The following SLC20A1 variants were observed in gnomAD, a reference collection of about 807,000 sequenced individuals.
SLC20A1 encodes sodium-dependent phosphate transporter 1.
A neutral mutation model predicts 62.7 loss-of-function variants in SLC20A1; 28 were observed. The ratio of observed to expected loss-of-function variants is 0.45; its 90% CI spans 0.33 to 0.61. The LOEUF (loss-of-function observed/expected upper bound fraction) is 0.61, where lower values mean the gene tolerates loss of function less well. Among genes scored for constraint, SLC20A1 ranks in the 20% least tolerant of loss-of-function variants. The pLI, the probability that SLC20A1 is intolerant of heterozygous loss-of-function variation, is 0.02. For missense variants in SLC20A1, 673 were observed against 838.6 expected, an observed-to-expected ratio of 0.80 and a Z score of 2.44; for synonymous variants, 305 against 302.9, an observed-to-expected ratio of 1.01 and a Z score of -0.07.
rs371323488 is a variant in SLC20A1, at chr2:112,659,455, C to T, written c.1300C>T (p.Arg434Cys). The T allele has an allele frequency of 1.1e-5, 17 of 1,614,076 alleles. No individual in the cohort carries two copies. The highest frequency in any genetic ancestry group is 8.3e-5 in the Admixed American group (5 of 60,004). ...AICGMPLDSFRAKEGEQKGEE... is the reference protein window; with the variant it reads ...AICGMPLDSFCAKEGEQKGEE... ...ATGTGGCATGCCTCTGGATTCATTC[C>T]GTGCCAAAGAAGGTGAACAGAAGGG... Residue 434 changes from arginine (R) to cysteine (C), a missense_variant, in exon 8 of 11, where the codon CGT (arginine) becomes TGT (cysteine). Arg to Cys is a radical substitution (Grantham distance 180). Transcript: ENST00000272542.
chr2:112,658,259 T>TA (rs1240646708), intron 6 of SLC20A1: 2 of 152,548 alleles, frequency 1.3e-5, no homozygotes, highest in Non-Finnish European at 2.9e-5. Context: ...AGGCAGAAGA[T>TA]ACTCTGGTCT....
At chr2:112,658,619 A>G (rs1322428652) in intron 6 of SLC20A1, 1 of 552,880 alleles carries the variant, frequency 1.8e-6, no homozygotes, top group Non-Finnish European at 3.1e-6. Context: ...GACCCCTGAC[A>G]TAGGGTGTTC....
chr2:112,657,092 G>T (rs371055700), intron 5 of SLC20A1, 30 bp from the exon 6 acceptor site: 1 of 1,613,670 alleles, frequency 6.2e-7, no homozygotes. Context: ...TTGCCCTGGG[G>T]TTTTCAAGAT....
chr2:112,647,303 T>C (rs1184350989), intron 2 of SLC20A1, 21 bp from the exon 3 acceptor site: 4 of 1,608,752 alleles, frequency 2.5e-6, no homozygotes, highest in Non-Finnish European at 3.4e-6. Context: ...ATTTACTTAA[T>C]AAAACTTTAC....
chr2:112,646,743 A>AT lies in SLC20A1; in HGVS notation c.-85dup, dbSNP rs1192089020. The AT allele has an allele frequency of 1.4e-6, 1 of 710,204 alleles. No homozygotes were observed. The highest frequency in any genetic ancestry group is 2.3e-6 in the Non-Finnish European group (1 of 443,620). The allele number at this position is 710,204 out of a possible 1,614,324, so 44.0% of individuals were successfully genotyped here. On this transcript the variant is annotated 5_prime_UTR_variant, in exon 2 of 11. Coordinates refer to ENST00000272542, the MANE Select transcript of SLC20A1 (RefSeq NM_005415.5). ...TTTTATATAATATATATTATTTATTATAGCATTTTTGATACCTCATATTCT... is the reference window on the plus strand; with the variant it reads ...TTTTATATAATATATATTATTTATTATTAGCATTTTTGATACCTCATATTCT...
Sources: gnomAD v4.1 joint callset for allele counts on GRCh38, gnomAD v4.1.1 for gene constraint, MANE v1.5 for transcripts, NCBI Gene and HGNC (gene_info 2026-07-23, HGNC 2026-07-21) for gene names.